The following PLET1 variants were observed in gnomAD, a reference collection of about 807,000 sequenced individuals.
PLET1 encodes the protein placenta-expressed transcript 1 protein.
A neutral mutation model predicts 18.5 loss-of-function variants in PLET1; 20 were observed. That is an observed-to-expected ratio of 1.08 (90% CI 0.76 to 1.57). The LOEUF is 1.57. Among genes scored for constraint, PLET1 ranks in the 40% most tolerant of loss-of-function variants. The probability of loss-of-function intolerance (pLI) is 0.00; values close to 1 mark genes in which losing one functional copy is unlikely to be tolerated. For missense variants in PLET1, 256 were observed against 246.4 expected, an observed-to-expected ratio of 1.04 and a Z score of -0.26; for synonymous variants, 93 against 93.8, an observed-to-expected ratio of 0.99 and a Z score of 0.05.
chr11:112,256,842 A>G (rs545704729), intron 1 of PLET1, among the ~76,000 whole-genome samples: 11 of 152,354 alleles, frequency 7.2e-5, no homozygotes, highest in Admixed American at 2.6e-4. Context: ...AGTGTCATGC[A>G]GATAGTCGTC....
chr11:112,252,275 G>T, intron 3 of PLET1, 73 bp downstream of exon 3: 1 of 1,358,802 alleles, frequency 7.4e-7, no homozygotes, highest in Non-Finnish European at 1.0e-6. Context: ...CTTTTCTAGG[G>T]AACCCACAAG....
intron 2 of PLET1, among the ~76,000 whole-genome samples, chr11:112,254,608 G>A (rs1213022448): frequency 1.5e-5 from 2 of 132,900 alleles, no homozygotes; most frequent in African/African-American, 5.7e-5. Flanking sequence ...TATGGCATGT[G>A]TGTATGGTGT....
At chr11:112,254,009 C>A (rs1860184437) in intron 2 of PLET1, among the ~76,000 whole-genome samples, 1 of 152,194 alleles carries the variant, frequency 6.6e-6, no homozygotes, top group Admixed American at 6.5e-5. Context: ...ACCTCAGAAT[C>A]TGAGTGTGTC....
At chr11:112,251,086 T>TTTCTTGTTC (rs1288919559) in intron 3 of PLET1, among the ~76,000 whole-genome samples, 16 of 152,142 alleles carry the variant, frequency 1.1e-4, no homozygotes, top group Non-Finnish European at 2.9e-5. Context: ...AAGGCTAATG[T>TTTCTTGTTC]TTCTTGTTCT....
At position 112,260,479 on chromosome 11, in the gene PLET1, A is replaced by C. The variant is rs1217622510; in HGVS notation, c.111T>G (p.Phe37Leu). The C allele has an allele frequency of 1.0e-5, 16 of 1,551,718 alleles. No homozygotes were observed. Among genetic ancestry groups the C allele is most frequent in the Admixed American group, 2.0e-5 (1 of 50,986 alleles). ...CTAGGGTTATGGTGTAGTATTCATCAAAGGTGAAGCAGGTGCTACTGTACC... is the reference window on the plus strand; with the variant it reads ...CTAGGGTTATGGTGTAGTATTCATCCAAGGTGAAGCAGGTGCTACTGTACC... ...FIRYSSTCFT[F>L]DEYYTITLDI... is the part of the protein sequence containing the mutation. Residue 37 changes from phenylalanine (F) to leucine (L), a missense_variant, in exon 1 of 4, where the codon TTT (phenylalanine) becomes TTG (leucine). Coordinates refer to ENST00000338832, the MANE Select transcript of PLET1 (RefSeq NM_001145024.1).
intron 3 of PLET1, 56 bp downstream of exon 3, chr11:112,252,292 T>A: frequency 6.8e-7 from 1 of 1,472,966 alleles, no homozygotes; most frequent in African/African-American, 1.4e-5. Context: ...CAAGGTAATT[T>A]TCCAGGCTGA....
intron 2 of PLET1, 94 bp downstream of exon 2, chr11:112,255,294 G>T (rs1860214003): frequency 7.9e-7 from 1 of 1,271,814 alleles, no homozygotes; most frequent in Non-Finnish European, 1.1e-6. Flanking sequence ...TATCACGTCT[G>T]GATTGTATTT....
intron 2 of PLET1, among the ~76,000 whole-genome samples, chr11:112,254,948 GGTGTGTGTGATATGTATGTGAGTGTGGT>G (rs200148929): frequency 0.58 from 73,985 of 128,112 alleles, 22,291 homozygotes; most frequent in East Asian, 0.76. Context: ...GCGTGTGTGT[GGTGTGTGTGATATGTATGTGAGTGTGGT>G]GTGTGTGTGA....
At chr11:112,252,537 C>T in intron 2 of PLET1, 128 bp from the exon 3 acceptor site, 1 of 776,758 alleles carries the variant, frequency 1.3e-6, no homozygotes, top group Non-Finnish European at 2.1e-6. Context: ...GCACAATGAG[C>T]AGATCATTAA....
Position 112,260,602 on chromosome 11 carries a change from T to C in PLET1, c.-13A>G, listed in dbSNP as rs898998887. ...GGAAGACTGCCATGGTCTCAGTCTGTTTGGAAAGTGCTAGGCCTGGAATTG... is the reference window on the plus strand; with the variant it reads ...GGAAGACTGCCATGGTCTCAGTCTGCTTGGAAAGTGCTAGGCCTGGAATTG... On this transcript the variant is annotated 5_prime_UTR_variant, in exon 1 of 4. Transcript: ENST00000338832. 1.3e-6 allele frequency: 2 copies of C among 1,548,340 alleles called. No individual in the cohort carries two copies. The highest frequency in any genetic ancestry group is 3.9e-5 in the Admixed American group (2 of 50,776).
Position 112,248,507 on chromosome 11 carries a change from T to C in PLET1, c.*292A>G. On this transcript the variant is annotated 3_prime_UTR_variant, in exon 4 of 4. Transcript: ENST00000338832. ...AGTTGAGATTGGCTGTGGAATTGGC[T>C]GCCAACCTGTTCAACCAATAGGGAG... The C allele has an allele frequency of 1.2e-5, 5 of 425,498 alleles. No homozygotes were observed. The highest frequency in any genetic ancestry group is 2.1e-5 in the Non-Finnish European group (5 of 242,532). 26.4% of individuals were successfully genotyped at this position (425,498 alleles called of 1,614,324 possible).
intron 1 of PLET1, among the ~76,000 whole-genome samples, chr11:112,259,191 G>C (rs1389398412): frequency 6.6e-6 from 1 of 152,292 alleles, no homozygotes; most frequent in East Asian, 1.9e-4. Flanking sequence ...ATCGTAAGAA[G>C]GGTTAGCTCT....
chr11:112,249,025 C>T, intron 3 of PLET1, 51 bp from the exon 4 acceptor site: 1 of 1,513,718 alleles, frequency 6.6e-7, no homozygotes, highest in Non-Finnish European at 9.0e-7. Context: ...GCATCGGAAC[C>T]TCCGTTGGGT....
chr11:112,254,526 ATGTGTGTGGTATGTGT>A (rs1860192838), intron 2 of PLET1, among the ~76,000 whole-genome samples: 16 of 85,630 alleles, frequency 1.9e-4, no homozygotes, highest in South Asian at 8.6e-4. Context: ...TGTGGTATGT[ATGTGTGTGGTATGTGT>A]GTGTGTGTGG....
At chr11:112,252,068 G>A (rs575118578) in intron 3 of PLET1, among the ~76,000 whole-genome samples, 1 of 152,300 alleles carries the variant, frequency 6.6e-6, no homozygotes, top group African/African-American at 2.4e-5. Flanking sequence ...AACAGAAACA[G>A]CTCCTATGGA....
intron 1 of PLET1, among the ~76,000 whole-genome samples, chr11:112,258,864 A>G (rs1218722060): frequency 3.3e-5 from 5 of 152,184 alleles, no homozygotes; most frequent in Non-Finnish European, 1.5e-5. Context: ...GACAAAAGAT[A>G]AGCAAGGTGA....
chr11:112,249,359 A>G (rs1046343352), intron 3 of PLET1, among the ~76,000 whole-genome samples: 2 of 152,174 alleles, frequency 1.3e-5, no homozygotes, highest in African/African-American at 4.8e-5. Context: ...CCAGAATGAC[A>G]CAATGTTATT....
intron 3 of PLET1, among the ~76,000 whole-genome samples, chr11:112,250,009 A>G (rs1860138298): frequency 1.3e-5 from 2 of 148,466 alleles, no homozygotes; most frequent in East Asian, 2.0e-4. Context: ...GGGAATGTCC[A>G]GGAGTCGACT....
At chr11:112,249,187 A>G (rs1860130581) in intron 3 of PLET1, among the ~76,000 whole-genome samples, 1 of 152,214 alleles carries the variant, frequency 6.6e-6, no homozygotes. Context: ...TAACAAAAAT[A>G]AGGAAGAAAC....
Sources: gnomAD v4.1 joint callset for allele counts (sites outside exome capture counted in the v4.1 genomes callset) on GRCh38, gnomAD v4.1.1 for gene constraint, MANE v1.5 for transcripts, NCBI Gene and HGNC (gene_info 2026-07-23, HGNC 2026-07-21) for gene names.